EEFSEC: variants seen among roughly 807,000 people sequenced by gnomAD.
The protein encoded by EEFSEC is eukaryotic elongation factor, selenocysteine-tRNA specific.
A neutral mutation model predicts 42.1 loss-of-function variants in EEFSEC; 43 were observed. That is an observed-to-expected ratio of 1.02 (90% CI 0.80 to 1.32). The LOEUF (loss-of-function observed/expected upper bound fraction) is 1.32, where lower values mean the gene tolerates loss of function less well. Ranked by LOEUF, EEFSEC falls within the 40% of genes most tolerant of loss-of-function variation. The pLI is 0.00. For missense variants in EEFSEC, 745 were observed against 803.6 expected (o/e 0.93, Z 0.88); for synonymous variants, 354 against 339.1 (o/e 1.04, Z -0.48).
intron 6 of EEFSEC, among the ~76,000 whole-genome samples, chr3:128,382,823 G>A (rs943488457): frequency 2.6e-5 from 4 of 152,174 alleles, no homozygotes; most frequent in African/African-American, 9.7e-5. Context: ...GAGGGAGAGA[G>A]AGAAGAAAAA....
chr3:128,288,079 T>C (rs917706373), intron 4 of EEFSEC, among the ~76,000 whole-genome samples: 4 of 152,196 alleles, frequency 2.6e-5, no homozygotes, highest in Non-Finnish European at 5.9e-5. Flanking sequence ...CATTCATTTG[T>C]ACTGGTCTTC....
chr3:128,219,096 C>G (rs1044065858), intron 1 of EEFSEC, among the ~76,000 whole-genome samples: 1 of 152,196 alleles, frequency 6.6e-6, no homozygotes, highest in African/African-American at 2.4e-5. Flanking sequence ...TGCCTCTGCT[C>G]GGACTTTGCC....
chr3:128,246,797 C>G, intron 1 of EEFSEC, 39 bp from the exon 2 acceptor site: 1 of 1,607,830 alleles, frequency 6.2e-7, no homozygotes, highest in Non-Finnish European at 8.5e-7. Flanking sequence ...GGGCTCACCA[C>G]CCCTTTTCCC....
At chr3:128,174,840 C>T (rs2065332199) in intron 1 of EEFSEC, among the ~76,000 whole-genome samples, 2 of 152,186 alleles carry the variant, frequency 1.3e-5, no homozygotes, top group South Asian at 4.1e-4. Flanking sequence ...GTAGCCACTT[C>T]TGAAGTCCTT....
chr3:128,322,354 C>A (rs1453377480), intron 4 of EEFSEC, among the ~76,000 whole-genome samples: 2 of 152,258 alleles, frequency 1.3e-5, no homozygotes, highest in African/African-American at 4.8e-5. Context: ...GTGGTGCCCA[C>A]ATGGGGCAAG....
At chr3:128,297,716 C>A (rs1054856940) in intron 4 of EEFSEC, among the ~76,000 whole-genome samples, 8 of 152,096 alleles carry the variant, frequency 5.3e-5, no homozygotes, top group African/African-American at 1.9e-4. Flanking sequence ...TTCCCACTGG[C>A]TCTCCCATGC....
chr3:128,284,842 A>G (rs1398030974), intron 4 of EEFSEC, among the ~76,000 whole-genome samples: 1 of 151,444 alleles, frequency 6.6e-6, no homozygotes, highest in Non-Finnish European at 1.5e-5. Flanking sequence ...CCATGTCTGC[A>G]CTGCACTCCT....
chr3:128,398,216 G>C (rs1378016423), intron 6 of EEFSEC, among the ~76,000 whole-genome samples: 1 of 152,184 alleles, frequency 6.6e-6, no homozygotes, highest in Non-Finnish European at 1.5e-5. Flanking sequence ...CTTGGCCCTA[G>C]GGGAAGGCTG....
chr3:128,206,364 T>C (rs2065696585), intron 1 of EEFSEC, among the ~76,000 whole-genome samples: 2 of 152,184 alleles, frequency 1.3e-5, no homozygotes, highest in South Asian at 4.1e-4. Context: ...CCTCCCAAAA[T>C]TACCCTTGTT....
At chr3:128,370,103 A>T (rs919392239) in intron 6 of EEFSEC, among the ~76,000 whole-genome samples, 3 of 152,196 alleles carry the variant, frequency 2.0e-5, no homozygotes, top group Non-Finnish European at 2.9e-5. Flanking sequence ...TACAACACTG[A>T]TGTTTTTGAA....
At chr3:128,359,727 T>A (rs900011460) in intron 6 of EEFSEC, among the ~76,000 whole-genome samples, 44 of 152,360 alleles carry the variant, frequency 2.9e-4, no homozygotes, top group African/African-American at 1.0e-3. Flanking sequence ...GTCCTCTACA[T>A]AACTCCAGGA....
intron 2 of EEFSEC, among the ~76,000 whole-genome samples, chr3:128,250,911 G>GTTTTTTTTTTTTTTTTTTTTTTGTTTT (rs35594175): frequency 3.7e-5 from 4 of 108,570 alleles, no homozygotes; most frequent in Non-Finnish European, 7.2e-5. Context: ...GTTTTTTTTG[G>GTTTTTTTTTTTTTTTTTTTTTTGTTTT]TTTTTTTTTT....
intron 4 of EEFSEC, among the ~76,000 whole-genome samples, chr3:128,270,372 G>A (rs1196700700): frequency 6.6e-6 from 1 of 152,072 alleles, no homozygotes; most frequent in African/African-American, 2.4e-5. Context: ...CCCCACTATG[G>A]TCCACTATGA....
intron 2 of EEFSEC, among the ~76,000 whole-genome samples, chr3:128,250,696 T>C (rs1192634387): frequency 6.6e-6 from 1 of 152,170 alleles, no homozygotes; most frequent in East Asian, 1.9e-4. Context: ...TTGTTCTTTT[T>C]CAAGATTGTT....
intron 4 of EEFSEC, among the ~76,000 whole-genome samples, chr3:128,286,576 G>A (rs932540827): frequency 4.6e-5 from 7 of 152,184 alleles, no homozygotes; most frequent in Admixed American, 1.3e-4. Flanking sequence ...GCCAGCTCCT[G>A]TGTCCTCTTG....
At chr3:128,277,466 G>A (rs2107959264) in intron 4 of EEFSEC, among the ~76,000 whole-genome samples, 1 of 152,142 alleles carries the variant, frequency 6.6e-6, no homozygotes, top group South Asian at 2.1e-4. Flanking sequence ...TTTTGTTTTT[G>A]TTTTTGTTTT....
At chr3:128,404,064 G>C (rs1038850312) in intron 6 of EEFSEC, among the ~76,000 whole-genome samples, 2 of 152,226 alleles carry the variant, frequency 1.3e-5, no homozygotes, top group Non-Finnish European at 2.9e-5. Context: ...AGTGGGACCC[G>C]CAGAGTCTGG....
At chr3:128,240,182 T>G (rs1377458424) in intron 1 of EEFSEC, among the ~76,000 whole-genome samples, 1 of 152,192 alleles carries the variant, frequency 6.6e-6, no homozygotes, top group Non-Finnish European at 1.5e-5. Context: ...CTTTGTCCAC[T>G]TGTGTTTGCC....
intron 5 of EEFSEC, among the ~76,000 whole-genome samples, chr3:128,356,353 A>T (rs1004580531): frequency 6.6e-6 from 1 of 152,134 alleles, no homozygotes; most frequent in Non-Finnish European, 1.5e-5. Context: ...TCTCAGTCAG[A>T]TGTAACCCCA....
Sources: gnomAD v4.1 joint callset for allele counts (sites outside exome capture counted in the v4.1 genomes callset) on GRCh38, gnomAD v4.1.1 for gene constraint, MANE v1.5 for transcripts, NCBI Gene and HGNC (gene_info 2026-07-23, HGNC 2026-07-21) for gene names.